Variants in MGST1 observed in about 807,000 individuals in gnomAD.
MGST1 encodes the protein glutathione S-transferase 12.
Under a neutral mutation model 8.9 loss-of-function variants are expected in MGST1, and 5 were observed. The ratio of observed to expected loss-of-function variants is 0.56; its 90% CI spans 0.29 to 1.19. The LOEUF (loss-of-function observed/expected upper bound fraction) is 1.19. Among genes scored for constraint, MGST1 ranks in the 50% most tolerant of loss-of-function variants. The pLI is 0.08. For synonymous variants in MGST1, 54 were observed against 67.8 expected, an observed-to-expected ratio of 0.80 and a Z score of 1.00; for missense variants, 182 against 187.4, an observed-to-expected ratio of 0.97 and a Z score of 0.17.
chr12:16,479,540 T>TTTTTG (rs1941350855), intron 4 of MGST1, among the ~76,000 whole-genome samples: 1 of 142,982 alleles, frequency 7.0e-6, no homozygotes, highest in African/African-American at 2.7e-5. Flanking sequence ...GGCCTCTTTT[T>TTTTTG]TTTTTTTTTT....
chr12:16,567,784 T>C (rs184494487), intron 4 of MGST1, among the ~76,000 whole-genome samples: 40 of 152,052 alleles, frequency 2.6e-4, no homozygotes, highest in South Asian at 8.3e-4. Flanking sequence ...CCTCAGAATA[T>C]CATCCCTCTC....
At chr12:16,511,174 AG>A in intron 4 of MGST1, among the ~76,000 whole-genome samples, 1 of 152,364 alleles carries the variant, frequency 6.6e-6, no homozygotes, top group African/African-American at 2.4e-5. Context: ...GTGTTAGGCA[AG>A]TTAAAGTAGG....
rs918500077 is a variant in MGST1 at position 16,485,529 on chromosome 12, T to C, written n.482+101925T>C. Among the ~76,000 whole-genome samples, 10 of 152,338 alleles carry C rather than the reference T, an allele frequency of 6.6e-5. No homozygotes were observed. The South Asian group carries it at 2.1e-3, about 32-fold the overall frequency. On this transcript the variant is annotated intron_variant and non_coding_transcript_variant, in intron 4 of 4. Coordinates refer to the MGST1 transcript ENST00000538857. The stretch of plus-strand genomic sequence containing the variant: ...TCATTACTTTACCGAATTTGAGGAT[T>C]ATTGTCTTTCAAAATATCCATAAAA...
rs1477222754 is a variant in MGST1 at position 16,497,034 on chromosome 12, G to C, written n.483-92494G>C. On this transcript the variant is annotated intron_variant and non_coding_transcript_variant, in intron 4 of 4. Transcript: ENST00000538857. This position sits in a 1 kb window ranked among gnomAD's most constrained non-coding sequence, Gnocchi z 4.4. ...GAAGAAGTTATGGATTATAGAAAGG[G>C]AATAACTTAGATGCTGTTATCTAAG... Among the ~76,000 whole-genome samples, 1 of 152,108 alleles carries C rather than the reference G, an allele frequency of 6.6e-6. No individual in the cohort carries two copies. The highest frequency in any genetic ancestry group is 1.9e-4 in the East Asian group (1 of 5,194).
rs567937499 is a variant in MGST1 at position 16,444,127 on chromosome 12, T to C, written n.482+60523T>C. ...CCACTCTGATCAATCCTTGTTTGCTTGGACCAACACTGAAGTGGATGATGA... is the reference window on the plus strand; with the variant it reads ...CCACTCTGATCAATCCTTGTTTGCTCGGACCAACACTGAAGTGGATGATGA... On this transcript the variant is annotated intron_variant and non_coding_transcript_variant, in intron 4 of 4. Coordinates refer to the MGST1 transcript ENST00000538857. Among the ~76,000 whole-genome samples, 3 of 151,742 alleles carry C rather than the reference T, an allele frequency of 2.0e-5. No homozygotes were observed. The East Asian group carries it at 5.9e-4, about 30-fold the overall frequency.
chr12:16,414,395 A>T (rs11056926), intron 1 of MGST1, among the ~76,000 whole-genome samples: 2,255 of 92,646 alleles, frequency 0.024, no homozygotes, highest in Non-Finnish European at 0.03. Flanking sequence ...AGGTGTTTTT[A>T]TTTTTTTTTT....
intron 4 of MGST1, chr12:16,550,146 A>T (rs1941933394): frequency 6.6e-6 from 1 of 152,034 alleles, no homozygotes; most frequent in Admixed American, 6.6e-5. Context: ...TCACTACTCA[A>T]ATACCATCAT....
downstream of MGST1, among the ~76,000 whole-genome samples, chr12:16,591,688 T>C (rs1665314703): frequency 6.6e-6 from 1 of 152,032 alleles, no homozygotes; most frequent in Admixed American, 6.6e-5. This position sits in a 1 kb window ranked among gnomAD's most constrained non-coding sequence, Gnocchi z 4.1. Flanking sequence ...GTGTCAATTA[T>C]TGATAACTTA....
intron 4 of MGST1, among the ~76,000 whole-genome samples, chr12:16,469,861 A>AT (rs903566349): frequency 3.3e-5 from 5 of 152,200 alleles, no homozygotes; most frequent in African/African-American, 1.2e-4. Flanking sequence ...TAATCAAAGC[A>AT]TTTTTTTCTA....
chr12:16,553,768 A>G (rs1013924672), intron 4 of MGST1, among the ~76,000 whole-genome samples: 1 of 152,040 alleles, frequency 6.6e-6, no homozygotes, highest in African/African-American at 2.4e-5. Flanking sequence ...CAATACAGAT[A>G]GTATGTATTT....
Position 16,546,021 on chromosome 12 carries a change from A to G in MGST1, n.483-43507A>G, listed in dbSNP as rs1437473141. On this transcript the variant is annotated intron_variant and non_coding_transcript_variant, in intron 4 of 4. Coordinates refer to the MGST1 transcript ENST00000538857. The surrounding 1 kb of genome is among the most constrained non-coding windows in gnomAD (Gnocchi z 4.7). ...TTTCTGACTCTATGACCTTGGGCGA[A>G]TTAAGTAACCTGGCTGTGCTTTCAT... Among the ~76,000 whole-genome samples, 3 of 152,122 alleles carry G rather than the reference A, an allele frequency of 2.0e-5. No homozygotes were observed. The highest frequency in any genetic ancestry group is 7.2e-5 in the African/African-American group (3 of 41,452).
intron 4 of MGST1, among the ~76,000 whole-genome samples, chr12:16,509,538 T>C (rs1941562623): frequency 6.6e-6 from 1 of 152,046 alleles, no homozygotes. Context: ...AGGTATTGTT[T>C]GAGATAGATG....
chr12:16,359,803 A>G (rs1164608220), intron 3 of MGST1, among the ~76,000 whole-genome samples: 1 of 152,220 alleles, frequency 6.6e-6, no homozygotes, highest in Non-Finnish European at 1.5e-5. Context: ...GACCCTCAGT[A>G]GTATTAGTAA....
rs558369804 is a variant in MGST1 at position 16,571,263 on chromosome 12, C to T, written n.483-18265C>T. 7.2e-5 allele frequency among the ~76,000 whole-genome samples: 11 copies of T among 152,098 alleles called. No individual in the cohort carries two copies. The South Asian group carries it at 8.3e-4, about 11-fold the overall frequency. The stretch of plus-strand genomic sequence containing the variant: ...TCCTTGTATTTAACTAAGGATATTA[C>T]GTTACAAAGGCATCAGTATTTTATT... On this transcript the variant is annotated intron_variant and non_coding_transcript_variant, in intron 4 of 4. Coordinates refer to the MGST1 transcript ENST00000538857.
At chr12:16,472,669 T>G (rs1215259656) in intron 4 of MGST1, among the ~76,000 whole-genome samples, 1 of 152,216 alleles carries the variant, frequency 6.6e-6, no homozygotes. Context: ...TGTTTTTATG[T>G]ATATTGAGCA....
rs148187953 is a variant in MGST1, at chr12:16,358,536, G to A, written c.221+837G>A. 3.4e-3 allele frequency among the ~76,000 whole-genome samples: 515 copies of A among 150,002 alleles called. 2 individuals are homozygous for A. The highest frequency in any genetic ancestry group is 0.014 in the Middle Eastern group (4 of 286). On this transcript the variant is annotated intron_variant, in intron 3 of 3. Coordinates refer to ENST00000396210, the MANE Select transcript of MGST1 (RefSeq NM_020300.5). ...GGCTGGAGTGCAATGGTGTGATCTC[G>A]GCTCACTGCAACCTTCTTCTCCTGG... is the stretch of plus-strand genomic sequence containing the variant.
downstream of MGST1, among the ~76,000 whole-genome samples, chr12:16,379,151 C>A (rs1253138580): frequency 1.3e-5 from 2 of 152,114 alleles, no homozygotes; most frequent in Non-Finnish European, 2.9e-5. Flanking sequence ...CCTTTTCCTG[C>A]CTGATTGTCC....
At chr12:16,590,166 T>C (rs1182743414), downstream of MGST1, among the ~76,000 whole-genome samples, 1 of 152,106 alleles carries the variant, frequency 6.6e-6, no homozygotes, top group Non-Finnish European at 1.5e-5. Flanking sequence ...CAAATCCCAC[T>C]GTTATAAATA....
At chr12:16,443,266 A>G (rs958950070), downstream of MGST1, among the ~76,000 whole-genome samples, 1 of 151,796 alleles carries the variant, frequency 6.6e-6, no homozygotes, top group Non-Finnish European at 1.5e-5. Context: ...TTTTTTGAAA[A>G]TAACATATAA....
Sources: gnomAD v4.1 joint callset for allele counts (sites outside exome capture counted in the v4.1 genomes callset) on GRCh38, gnomAD v4.1.1 for gene constraint, Gnocchi (gnomAD v3.1) non-coding constraint, MANE v1.5 for transcripts, NCBI Gene and HGNC (gene_info 2026-07-23, HGNC 2026-07-21) for gene names.